The following PRH1 variants were observed in gnomAD, a reference collection of about 807,000 sequenced individuals.
PRH1 encodes the protein proline rich protein HaeIII subfamily 1, also known as salivary acidic proline-rich phosphoprotein 1/2.
PRH1 carries 7 observed loss-of-function variants against 7.9 expected under a neutral mutation model. The ratio of observed to expected loss-of-function variants is 0.89; its 90% CI spans 0.50 to 1.67. The LOEUF is 1.67. Ranked by LOEUF, PRH1 falls within the 40% of genes most tolerant of loss-of-function variation. The pLI is 0.00. For missense variants in PRH1, 109 were observed against 223.6 expected, an observed-to-expected ratio of 0.49 and a Z score of 3.27; for synonymous variants, 45 against 80.8, an observed-to-expected ratio of 0.56 and a Z score of 2.38.
intron 1 of PRH1, among the ~76,000 whole-genome samples, chr12:11,104,326 T>C (rs1945346544): frequency 6.6e-6 from 1 of 152,176 alleles, no homozygotes; most frequent in African/African-American, 2.4e-5. Context: ...ATCACTCATA[T>C]GTTTCACTGT....
intron 2 of PRH1, among the ~76,000 whole-genome samples, chr12:10,925,823 T>C (rs770164531): frequency 6.6e-6 from 1 of 152,182 alleles, no homozygotes; most frequent in Non-Finnish European, 1.5e-5. Context: ...TGAGTAGTGG[T>C]GCACACTAAA....
chr12:11,050,871 A>T (rs947025783), upstream of PRH1, among the ~76,000 whole-genome samples: 5 of 152,222 alleles, frequency 3.3e-5, no homozygotes, highest in Non-Finnish European at 7.3e-5. Flanking sequence ...TGAGAACATC[A>T]TCTGGTGAGT....
chr12:10,949,952 T>G (rs983093741), intron 2 of PRH1, among the ~76,000 whole-genome samples: 1 of 152,186 alleles, frequency 6.6e-6, no homozygotes, highest in African/African-American at 2.4e-5. Context: ...AATATATTTT[T>G]GCAAACTTCA....
intron 2 of PRH1, among the ~76,000 whole-genome samples, chr12:10,914,945 G>A (rs538911068): frequency 1.1e-4 from 17 of 152,232 alleles, no homozygotes; most frequent in African/African-American, 3.9e-4. Flanking sequence ...TGGCTAACAC[G>A]GTGAAACCCC....
At chr12:11,168,372 G>GAAAGAA (rs1947692343) in intron 1 of PRH1, among the ~76,000 whole-genome samples, 1 of 5,104 alleles carries the variant, frequency 2.0e-4, no homozygotes, top group African/African-American at 3.1e-4. Context: ...AGAAAGAAAA[G>GAAAGAA]AAAGAAAGAA....
chr12:11,149,625 G>A (rs1344523113), intron 1 of PRH1, among the ~76,000 whole-genome samples: 7 of 145,366 alleles, frequency 4.8e-5, no homozygotes, highest in African/African-American at 1.8e-4. Flanking sequence ...TATGTAGAAA[G>A]CTGAAACTGG....
chr12:10,986,369 C>G, intron 1 of PRH1: 1 of 1,614,040 alleles, frequency 6.2e-7, no homozygotes, highest in Non-Finnish European at 8.5e-7. Flanking sequence ...ATTTCATCTT[C>G]CCAGTCATGT....
intron 2 of PRH1, among the ~76,000 whole-genome samples, chr12:10,960,802 A>C (rs375754984): frequency 6.6e-6 from 1 of 152,230 alleles, no homozygotes; most frequent in Non-Finnish European, 1.5e-5. Context: ...TCAGGAACTT[A>C]TAACATAGAT....
intron 1 of PRH1, among the ~76,000 whole-genome samples, chr12:11,128,597 T>C (rs1213532101): frequency 6.6e-6 from 1 of 151,968 alleles, no homozygotes; most frequent in Non-Finnish European, 1.5e-5. Flanking sequence ...ATATAAAAAT[T>C]AGCCAGGTGG....
chr12:11,028,736 T>G (rs944910547), intron 1 of PRH1, among the ~76,000 whole-genome samples: 2 of 151,208 alleles, frequency 1.3e-5, no homozygotes, highest in Non-Finnish European at 3.0e-5. Context: ...AGGTGCCATC[T>G]AATTTTGGTG....
At chr12:10,986,148 C>G (rs1033851303) in intron 1 of PRH1, 1 of 1,614,018 alleles carries the variant, frequency 6.2e-7, no homozygotes, top group East Asian at 2.2e-5. Flanking sequence ...GAAAATGGCA[C>G]ATAACAAGAG....
chr12:10,992,640 TGGCCTCAAG>T (rs1161371065), intron 1 of PRH1, among the ~76,000 whole-genome samples: 1 of 152,174 alleles, frequency 6.6e-6, no homozygotes, highest in Non-Finnish European at 1.5e-5. Flanking sequence ...CTGGAACTCC[TGGCCTCAAG>T]TGCTCCTCCC....
intron 1 of PRH1, among the ~76,000 whole-genome samples, chr12:11,109,953 A>C (rs75165822): frequency 0.035 from 5,381 of 152,222 alleles, 317 homozygotes; most frequent in African/African-American, 0.12. Context: ...ACCTGGAATA[A>C]CCAGTTTAGA....
At chr12:10,989,890 T>C (rs1385342123) in intron 1 of PRH1, among the ~76,000 whole-genome samples, 1 of 152,248 alleles carries the variant, frequency 6.6e-6, no homozygotes, top group Non-Finnish European at 1.5e-5. Flanking sequence ...AAGTTTTTCC[T>C]CTACCTACTT....
intron 1 of PRH1, among the ~76,000 whole-genome samples, chr12:11,046,266 T>C (rs750364311): frequency 1.8e-4 from 27 of 152,190 alleles, no homozygotes; most frequent in Non-Finnish European, 3.8e-4. Flanking sequence ...ATATGTTTTG[T>C]TGCTATCTCT....
At chr12:11,028,653 T>C (rs1199461638) in intron 1 of PRH1, among the ~76,000 whole-genome samples, 3 of 152,208 alleles carry the variant, frequency 2.0e-5, no homozygotes, top group Non-Finnish European at 4.4e-5. Context: ...ATAATACAAA[T>C]AATTGACAAT....
chr12:11,161,199 G>A (rs1267005446), intron 1 of PRH1, among the ~76,000 whole-genome samples: 1 of 152,184 alleles, frequency 6.6e-6, no homozygotes, highest in Non-Finnish European at 1.5e-5. Context: ...GTCACCAAGT[G>A]ATCAGCCTAT....
chr12:11,126,912 C>T (rs984595192), intron 1 of PRH1, among the ~76,000 whole-genome samples: 7 of 150,818 alleles, frequency 4.6e-5, no homozygotes, highest in Middle Eastern at 3.4e-3. Flanking sequence ...ACAAATTCTA[C>T]CATTACTGTT....
At chr12:11,010,440 T>C (rs1941013850) in intron 1 of PRH1, among the ~76,000 whole-genome samples, 1 of 151,928 alleles carries the variant, frequency 6.6e-6, no homozygotes, top group Non-Finnish European at 1.5e-5. Context: ...ATAATTCTTA[T>C]ATTATTCTCA....
Sources: allele counts gnomAD v4.1 joint callset (sites outside exome capture counted in the v4.1 genomes callset), GRCh38; gene constraint gnomAD v4.1.1; transcripts MANE v1.5; gene names NCBI Gene and HGNC (gene_info 2026-07-23, HGNC 2026-07-21).